The following CCSER1 variants were observed in gnomAD, a reference collection of about 807,000 sequenced individuals.
CCSER1 encodes the protein serine-rich coiled-coil domain-containing protein 1.
A neutral mutation model predicts 82.0 loss-of-function variants in CCSER1; 41 were observed. That is an observed-to-expected ratio of 0.50 (90% CI 0.39 to 0.65). CCSER1 has a LOEUF of 0.65. CCSER1 is among the 30% of genes least tolerant of loss of function. CCSER1 has a pLI of 0.00. For synonymous variants in CCSER1, 414 were observed against 383.9 expected, an observed-to-expected ratio of 1.08 and a Z score of -0.92; for missense variants, 1,119 against 1,064.2, an observed-to-expected ratio of 1.05 and a Z score of -0.72.
At chr4:91,033,934 G>A (rs1216345946) in intron 9 of CCSER1, among the ~76,000 whole-genome samples, 2 of 152,112 alleles carry the variant, frequency 1.3e-5, no homozygotes, top group Non-Finnish European at 2.9e-5. Flanking sequence ...CTAAGTCCCT[G>A]GTGATGTTAT....
intron 10 of CCSER1, among the ~76,000 whole-genome samples, chr4:91,233,779 C>T (rs1738795626): frequency 1.3e-5 from 2 of 151,848 alleles, no homozygotes; most frequent in African/African-American, 2.4e-5. Context: ...GACCAGCATG[C>T]ATCATTTAAA....
chr4:90,529,500 G>A (rs1238969516), intron 5 of CCSER1, among the ~76,000 whole-genome samples: 1 of 152,152 alleles, frequency 6.6e-6, no homozygotes, highest in Non-Finnish European at 1.5e-5. Flanking sequence ...AAAGTACTGG[G>A]ATTACAGGCG....
chr4:91,353,796 G>T (rs1748641571), intron 10 of CCSER1, among the ~76,000 whole-genome samples: 1 of 152,102 alleles, frequency 6.6e-6, no homozygotes, highest in Admixed American at 6.5e-5. Flanking sequence ...GCAGTAAGCA[G>T]GTTCCTATTA....
intron 10 of CCSER1, among the ~76,000 whole-genome samples, chr4:91,551,968 G>A (rs1346068822): frequency 6.6e-6 from 1 of 151,682 alleles, no homozygotes; most frequent in Non-Finnish European, 1.5e-5. Context: ...TGCTGTGGCA[G>A]TTTGAATTTT....
intron 10 of CCSER1, among the ~76,000 whole-genome samples, chr4:91,336,350 T>C (rs1479267211): frequency 6.6e-6 from 1 of 152,136 alleles, no homozygotes; most frequent in Non-Finnish European, 1.5e-5. Context: ...TTTAATATTC[T>C]ATAAAGCTAT....
At chr4:90,871,339 C>A (rs543701159) in intron 8 of CCSER1, among the ~76,000 whole-genome samples, 12 of 151,600 alleles carry the variant, frequency 7.9e-5, no homozygotes, top group Non-Finnish European at 1.3e-4. Flanking sequence ...GTACTTCTTG[C>A]GCTGTATCCC....
chr4:90,787,657 G>T (rs1475284307), intron 7 of CCSER1, among the ~76,000 whole-genome samples: 1 of 152,116 alleles, frequency 6.6e-6, no homozygotes, highest in Non-Finnish European at 1.5e-5. Context: ...CCCATGTCTG[G>T]AGGTGATACT....
intron 10 of CCSER1, among the ~76,000 whole-genome samples, chr4:91,264,273 T>C (rs941604079): frequency 1.3e-5 from 2 of 151,836 alleles, no homozygotes; most frequent in African/African-American, 4.8e-5. Flanking sequence ...CACAATTTTA[T>C]CATTTTAATG....
chr4:90,532,685 T>G (rs569325277), intron 5 of CCSER1, among the ~76,000 whole-genome samples: 1 of 152,332 alleles, frequency 6.6e-6, no homozygotes, highest in South Asian at 2.1e-4. Context: ...TTTCTTTATA[T>G]CAAAATAATT....
At chr4:90,485,363 G>T (rs954217495) in intron 5 of CCSER1, among the ~76,000 whole-genome samples, 1 of 152,138 alleles carries the variant, frequency 6.6e-6, no homozygotes, top group African/African-American at 2.4e-5. Context: ...TTCACGCACG[G>T]TGCGCTGCAC....
chr4:91,500,354 T>G (rs1007733650), intron 10 of CCSER1, among the ~76,000 whole-genome samples: 3 of 152,100 alleles, frequency 2.0e-5, no homozygotes, highest in Non-Finnish European at 4.4e-5. Flanking sequence ...TAAGAGTTAT[T>G]TATATATTTT....
At chr4:91,051,805 C>T (rs780311758) in intron 9 of CCSER1, among the ~76,000 whole-genome samples, 1 of 152,024 alleles carries the variant, frequency 6.6e-6, no homozygotes, top group Non-Finnish European at 1.5e-5. Context: ...TTAATTTGTG[C>T]ATAATATCAT....
At chr4:90,901,756 C>T (rs1308322042) in intron 8 of CCSER1, among the ~76,000 whole-genome samples, 1 of 151,896 alleles carries the variant, frequency 6.6e-6, no homozygotes, top group Admixed American at 6.6e-5. Context: ...AATCTCATGA[C>T]TATGTGCTTT....
intron 5 of CCSER1, among the ~76,000 whole-genome samples, chr4:90,608,891 A>C (rs1785094568): frequency 6.6e-6 from 1 of 152,092 alleles, no homozygotes; most frequent in Non-Finnish European, 1.5e-5. Flanking sequence ...TAATAAAGAA[A>C]ATACCTTGCT....
chr4:90,239,719 C>A (rs1172457554), intron 1 of CCSER1, among the ~76,000 whole-genome samples: 1 of 152,230 alleles, frequency 6.6e-6, no homozygotes, highest in East Asian at 1.9e-4. Flanking sequence ...TCTCAAGTGA[C>A]TCCTGCTTCA....
intron 9 of CCSER1, among the ~76,000 whole-genome samples, chr4:90,981,648 A>G (rs1023331287): frequency 4.0e-5 from 6 of 151,868 alleles, no homozygotes; most frequent in African/African-American, 1.2e-4. Context: ...TTCAAAGAAT[A>G]CTTAAACTAA....
chr4:90,707,546 T>A (rs1439069818), intron 6 of CCSER1, among the ~76,000 whole-genome samples: 6 of 149,658 alleles, frequency 4.0e-5, no homozygotes, highest in African/African-American at 1.2e-4. Flanking sequence ...AAAATATATA[T>A]ATATATATAT....
chr4:91,446,672 A>ATATAT (rs1553938715), intron 10 of CCSER1, among the ~76,000 whole-genome samples: 9,925 of 72,000 alleles, frequency 0.14, 498 homozygotes, highest in East Asian at 0.36. Context: ...ATTTTAAATA[A>ATATAT]ATAAATATAT....
At chr4:90,996,590 A>C (rs1225022524) in intron 9 of CCSER1, among the ~76,000 whole-genome samples, 1 of 152,122 alleles carries the variant, frequency 6.6e-6, no homozygotes, top group East Asian at 1.9e-4. Context: ...CTAAAACTTT[A>C]AATCATTCTA....
Sources: allele counts gnomAD v4.1 joint callset (sites outside exome capture counted in the v4.1 genomes callset), GRCh38; gene constraint gnomAD v4.1.1; transcripts MANE v1.5; gene names NCBI Gene and HGNC (gene_info 2026-07-23, HGNC 2026-07-21).